MARCHF11: variants seen among roughly 807,000 people sequenced by gnomAD.
The protein encoded by MARCHF11 is membrane associated ring-CH-type finger 11.
A neutral mutation model predicts 37.3 loss-of-function variants in MARCHF11; 29 were observed. The ratio of observed to expected loss-of-function variants is 0.78; its 90% confidence interval spans 0.58 to 1.06. The LOEUF (loss-of-function observed/expected upper bound fraction) is 1.06, where lower values mean the gene tolerates loss of function less well. Ranked by LOEUF, MARCHF11 falls within the 50% of genes least tolerant of loss-of-function variation. The probability of loss-of-function intolerance (pLI) is 0.00; values close to 1 mark genes in which losing one functional copy is unlikely to be tolerated. For missense variants in MARCHF11, 482 were observed against 533.4 expected (o/e 0.90, Z 0.95); for synonymous variants, 233 against 228.0 (o/e 1.02, Z -0.20).
chr5:16,132,698 G>T (rs1197263710), intron 2 of MARCHF11, among the ~76,000 whole-genome samples: 3 of 152,052 alleles, frequency 2.0e-5, no homozygotes, highest in Middle Eastern at 3.2e-3. Flanking sequence ...GAAAATGCAA[G>T]GACATTTTGG....
intron 2 of MARCHF11, among the ~76,000 whole-genome samples, chr5:16,128,798 C>G (rs80050754): frequency 0.02 from 3,033 of 152,216 alleles, 109 homozygotes; most frequent in African/African-American, 0.07. Context: ...TCAAATGTGT[C>G]ATTCAAAGTC....
chr5:16,109,006 C>T (rs557016203), intron 2 of MARCHF11, among the ~76,000 whole-genome samples: 1 of 152,152 alleles, frequency 6.6e-6, no homozygotes, highest in South Asian at 2.1e-4. Flanking sequence ...TGGAAATTCA[C>T]TTGACTTTCA....
At chr5:16,132,652 G>A (rs1355239759) in intron 2 of MARCHF11, among the ~76,000 whole-genome samples, 1 of 152,110 alleles carries the variant, frequency 6.6e-6, no homozygotes, top group African/African-American at 2.4e-5. Flanking sequence ...GTGTTGGCCT[G>A]GACACCAAGA....
intron 2 of MARCHF11, among the ~76,000 whole-genome samples, chr5:16,110,463 A>G (rs1040519845): frequency 6.6e-6 from 1 of 152,232 alleles, no homozygotes; most frequent in African/African-American, 2.4e-5. Context: ...AAAGAGCAGC[A>G]TCTTCATATA....
chr5:16,163,188 A>G (rs1387440896), intron 2 of MARCHF11, among the ~76,000 whole-genome samples: 2 of 19,788 alleles, frequency 1.0e-4, no homozygotes, highest in Non-Finnish European at 1.8e-3. Flanking sequence ...ATGAATGGCA[A>G]TAAGAACTCC....
intron 2 of MARCHF11, among the ~76,000 whole-genome samples, chr5:16,092,760 A>G (rs1417452146): frequency 3.3e-5 from 5 of 152,242 alleles, no homozygotes; most frequent in Non-Finnish European, 5.9e-5. Flanking sequence ...AAAATAAAAA[A>G]TAATTAAACT....
In MARCHF11 at chr5:16,128,664, C is replaced by A. The variant is rs1737460761; in HGVS notation, c.694-37583G>T. ...TAGAAGAAGCTGCTATGGGAAAAAT[C>A]ATTGAACATAGAAAGTGTCTTAACA... On this transcript the variant is annotated intron_variant, in intron 2 of 3. Coordinates refer to ENST00000332432, the MANE Select transcript of MARCHF11 (RefSeq NM_001102562.3). Among the ~76,000 whole-genome samples the A allele has an allele frequency of 2.0e-5, 3 of 152,156 alleles. No homozygotes were observed. In the South Asian group the frequency reaches 6.2e-4, roughly 32 times the overall value.
rs149454499 is a variant in MARCHF11 at position 16,167,131 on chromosome 5, T to G, written c.693+10595A>C. On this transcript the variant is annotated intron_variant, in intron 2 of 3. Coordinates refer to ENST00000332432, the MANE Select transcript of MARCHF11 (RefSeq NM_001102562.3). The stretch of plus-strand genomic sequence containing the variant: ...TGAAAAATTATAAGTCAAACCATTG[T>G]AAGTTGGGAACTGTCTGTATACACA... Among the ~76,000 whole-genome samples, 686 of 148,410 alleles carry G rather than the reference T, an allele frequency of 4.6e-3. 1 individual carries two copies. Among genetic ancestry groups the G allele is most frequent in the Non-Finnish European group, 7.1e-3 (476 of 67,412 alleles).
chr5:16,130,409 G>A (rs1350438396), intron 2 of MARCHF11, among the ~76,000 whole-genome samples: 1 of 152,100 alleles, frequency 6.6e-6, no homozygotes, highest in African/African-American at 2.4e-5. Flanking sequence ...TTGTGAAATT[G>A]TGATTTAAAA....
rs192439761 is a variant in MARCHF11, at chr5:16,171,320, A to C, written c.693+6406T>G. On this transcript the variant is annotated intron_variant, in intron 2 of 3. Transcript: ENST00000332432. ...AATAATGTAAGTTTATAATAAGTTCATTCAAAATTACAAAGAAACATAGAA... is the reference window on the plus strand; with the variant it reads ...AATAATGTAAGTTTATAATAAGTTCCTTCAAAATTACAAAGAAACATAGAA... Among the ~76,000 whole-genome samples, 372 of 148,406 alleles carry C rather than the reference A, an allele frequency of 2.5e-3. 3 individuals carry two copies. The highest frequency in any genetic ancestry group is 8.1e-3 in the African/African-American group (327 of 40,204).
intron 2 of MARCHF11, among the ~76,000 whole-genome samples, chr5:16,149,609 C>T (rs1737857873): frequency 6.6e-6 from 1 of 152,140 alleles, no homozygotes; most frequent in African/African-American, 2.4e-5. Flanking sequence ...TTTCTCCCAC[C>T]TCCATTGAAG....
intron 2 of MARCHF11, among the ~76,000 whole-genome samples, chr5:16,125,178 T>C (rs1395396317): frequency 1.3e-5 from 2 of 151,394 alleles, no homozygotes; most frequent in Non-Finnish European, 3.0e-5. Flanking sequence ...CCCCGATAAC[T>C]GTGATATGTC....
chr5:16,109,939 G>A (rs1737108573), intron 2 of MARCHF11, among the ~76,000 whole-genome samples: 1 of 152,150 alleles, frequency 6.6e-6, no homozygotes, highest in African/African-American at 2.4e-5. Context: ...CATCACAGGA[G>A]GTAATTTTCA....
intron 2 of MARCHF11, among the ~76,000 whole-genome samples, chr5:16,175,870 G>A (rs1472326499): frequency 6.6e-6 from 1 of 152,108 alleles, no homozygotes; most frequent in East Asian, 1.9e-4. Flanking sequence ...AATCAGATCA[G>A]GTTACAGATA....
chr5:16,119,739 T>C (rs1737282646), intron 2 of MARCHF11, among the ~76,000 whole-genome samples: 1 of 152,300 alleles, frequency 6.6e-6, no homozygotes, highest in East Asian at 1.9e-4. Context: ...GTTTACTGAT[T>C]TGCTGACAAT....
intron 2 of MARCHF11, among the ~76,000 whole-genome samples, chr5:16,092,186 T>C (rs1736799909): frequency 1.3e-5 from 2 of 152,094 alleles, no homozygotes; most frequent in South Asian, 4.1e-4. Flanking sequence ...CTCTCCCTCA[T>C]TGTCTGTCTC....
intron 2 of MARCHF11, among the ~76,000 whole-genome samples, chr5:16,094,701 T>C (rs1488061704): frequency 6.6e-6 from 1 of 152,182 alleles, no homozygotes; most frequent in East Asian, 1.9e-4. Flanking sequence ...TTCTACAAAA[T>C]AAACAATTTC....
rs559224849 is a variant in MARCHF11, at chr5:16,150,908, C to T, written c.693+26818G>A. Among the ~76,000 whole-genome samples, 234 of 152,138 alleles carry T rather than the reference C, an allele frequency of 1.5e-3. 1 individual carries two copies. The highest frequency in any genetic ancestry group is 7.1e-3 in the South Asian group (34 of 4,818). ...GGTTCCCCATACCTAAAATGCTGTT[C>T]CTGCCTCTACACCCATTCAGATCCT... On this transcript the variant is annotated intron_variant, in intron 2 of 3. Coordinates refer to ENST00000332432, the MANE Select transcript of MARCHF11 (RefSeq NM_001102562.3).
chr5:16,094,448 A>G (rs1243550983), intron 2 of MARCHF11, among the ~76,000 whole-genome samples: 1 of 152,194 alleles, frequency 6.6e-6, no homozygotes, highest in Non-Finnish European at 1.5e-5. Context: ...GATTATTTCC[A>G]AAACTTTTCA....
Sources: gnomAD v4.1 joint callset for allele counts (sites outside exome capture counted in the v4.1 genomes callset) on GRCh38, gnomAD v4.1.1 for gene constraint, MANE v1.5 for transcripts, NCBI Gene and HGNC (gene_info 2026-07-23, HGNC 2026-07-21) for gene names.